The following PIP4K2B variants were observed in gnomAD, a reference collection of about 807,000 sequenced individuals.
The protein encoded by PIP4K2B is phosphatidylinositol 5-phosphate 4-kinase type-2 beta.
In PIP4K2B, 3 loss-of-function variants were observed where a neutral mutation model predicts 42.0. That is an observed-to-expected ratio of 0.07 (90% confidence interval 0.03 to 0.18). The LOEUF is 0.18. Ranked by LOEUF, PIP4K2B falls within the 10% of genes least tolerant of loss-of-function variation. The pLI, the probability that PIP4K2B is intolerant of heterozygous loss-of-function variation, is 1.00. For synonymous variants in PIP4K2B, 204 were observed against 210.1 expected (o/e 0.97, Z 0.25); for missense variants, 332 against 562.3 (o/e 0.59, Z 4.14).
At chr17:38,776,582 T>C (rs1177293411) in intron 7 of PIP4K2B, 3 of 419,052 alleles carry the variant, frequency 7.2e-6, no homozygotes, top group Admixed American at 3.0e-5. Flanking sequence ...GCCGAGATCG[T>C]GCCACTGCAC....
At chr17:38,772,650 C>T (rs925888697) in intron 7 of PIP4K2B, among the ~76,000 whole-genome samples, 39 of 152,166 alleles carry the variant, frequency 2.6e-4, no homozygotes, top group African/African-American at 8.7e-4. Flanking sequence ...GGTGCAATCT[C>T]GGCTCACTGC....
At chr17:38,783,744 G>T (rs1026188695) in intron 3 of PIP4K2B, among the ~76,000 whole-genome samples, 16 of 152,078 alleles carry the variant, frequency 1.1e-4, no homozygotes, top group Non-Finnish European at 2.4e-4. Context: ...GGGACTATAG[G>T]CGCACATCAC....
At chr17:38,781,372 G>C (rs1815678930) in intron 3 of PIP4K2B, among the ~76,000 whole-genome samples, 1 of 152,056 alleles carries the variant, frequency 6.6e-6, no homozygotes, top group Non-Finnish European at 1.5e-5. Context: ...AAAGGGATAT[G>C]TTCACCAAGC....
In PIP4K2B at chr17:38,778,276, G is replaced by A. The variant is rs372088067; in HGVS notation, c.693+58C>T. On this transcript the variant is annotated intron_variant, in intron 6 of 9. Coordinates refer to ENST00000619039, the MANE Select transcript of PIP4K2B (RefSeq NM_003559.5). ...GGGGTGGGCGAGGGACAGGATGGCC[G>A]ACAGGAGTTGTTTCTGACTCCAAGC... The A allele has an allele frequency of 7.9e-5, 121 of 1,536,080 alleles. 1 individual carries two copies. The highest frequency in any genetic ancestry group is 5.1e-4 in the Middle Eastern group (3 of 5,908).
At chr17:38,788,349 C>T (rs1330607758) in intron 1 of PIP4K2B, among the ~76,000 whole-genome samples, 3 of 151,880 alleles carry the variant, frequency 2.0e-5, no homozygotes, top group Admixed American at 1.3e-4. Flanking sequence ...TACAGGTGCC[C>T]GACACCACAC....
intron 1 of PIP4K2B, among the ~76,000 whole-genome samples, chr17:38,789,233 C>T (rs1910210482): frequency 1.3e-5 from 2 of 152,256 alleles, no homozygotes; most frequent in South Asian, 4.1e-4. Context: ...AACCTTCTGA[C>T]TTTCATCCCT....
rs186562444 is a variant in PIP4K2B, at chr17:38,778,682, G to A, written c.655-310C>T. On this transcript the variant is annotated intron_variant, in intron 5 of 9. Transcript: ENST00000619039. ...AAGTCATTAGTTCATTCACTACCAC[G>A]GTGCTCAGTGGTACAGGGAGGAGCA... Among the ~76,000 whole-genome samples the A allele has an allele frequency of 2.9e-4, 38 of 130,644 alleles. 1 individual carries two copies. Among genetic ancestry groups the A allele is most frequent in the Admixed American group, 2.7e-3 (30 of 11,054 alleles). 85.7% of individuals were successfully genotyped at this position (130,644 alleles called of 152,430 possible).
chr17:38,769,987 C>A (rs1480338611), intron 9 of PIP4K2B, among the ~76,000 whole-genome samples: 1 of 152,076 alleles, frequency 6.6e-6, no homozygotes, highest in East Asian at 1.9e-4. Context: ...CCCAGGCCTG[C>A]ACCGAAGTAG....
chr17:38,775,909 A>G (rs999849339), intron 7 of PIP4K2B: 1 of 405,510 alleles, frequency 2.5e-6, no homozygotes, highest in Non-Finnish European at 4.8e-6. Flanking sequence ...ATGATACAGT[A>G]TGGATGAACC....
At chr17:38,777,984 C>T (rs1227742921) in intron 6 of PIP4K2B, among the ~76,000 whole-genome samples, 184 bp from the exon 7 acceptor site, 1 of 152,152 alleles carries the variant, frequency 6.6e-6, no homozygotes, top group Non-Finnish European at 1.5e-5. Flanking sequence ...GCAGGGAGGG[C>T]AAACACATGA....
intron 6 of PIP4K2B, 57 bp from the exon 7 acceptor site, chr17:38,777,857 C>A (rs2143369612): frequency 8.1e-7 from 1 of 1,236,780 alleles, no homozygotes; most frequent in East Asian, 2.3e-5. Context: ...CCCAGGGACA[C>A]CCAACTGTTC....
intron 8 of PIP4K2B, 32 bp downstream of exon 8, chr17:38,770,982 G>C (rs1567651522): frequency 2.5e-6 from 4 of 1,612,706 alleles, no homozygotes; most frequent in Non-Finnish European, 3.4e-6. Flanking sequence ...TGAGGGCAGG[G>C]CTGTGCAGAG....
intron 7 of PIP4K2B, among the ~76,000 whole-genome samples, chr17:38,772,779 C>G (rs1355621521): frequency 6.6e-6 from 1 of 152,066 alleles, no homozygotes; most frequent in African/African-American, 2.4e-5. Flanking sequence ...ACAGTTTCAT[C>G]ATGTTGGCCA....
At chr17:38,792,260 C>T (rs938341707) in intron 1 of PIP4K2B, among the ~76,000 whole-genome samples, 5 of 151,986 alleles carry the variant, frequency 3.3e-5, no homozygotes, top group Admixed American at 1.3e-4. Flanking sequence ...GTGATTCTCC[C>T]ATCTCAGCCT....
intron 2 of PIP4K2B, among the ~76,000 whole-genome samples, chr17:38,786,077 G>A (rs1178966775): frequency 6.6e-6 from 1 of 152,202 alleles, no homozygotes; most frequent in African/African-American, 2.4e-5. Flanking sequence ...TGGACTAACA[G>A]TCTGGGAATG....
At chr17:38,775,231 G>A (rs1909269519) in intron 7 of PIP4K2B, among the ~76,000 whole-genome samples, 1 of 152,102 alleles carries the variant, frequency 6.6e-6, no homozygotes, top group Non-Finnish European at 1.5e-5. Flanking sequence ...GGGATTACAA[G>A]CGTGAGCCAC....
rs1297620253 is a variant in PIP4K2B, at chr17:38,767,341, T to C, written c.*2350A>G. ...TTTTAAACATTTGAATGCCAAAAAT[T>C]GGGGGCCAAACTCAAGGTTTTGAAG... On this transcript the variant is annotated 3_prime_UTR_variant, in exon 10 of 10. Transcript: ENST00000619039. 1 of 151,832 alleles carries C rather than the reference T, an allele frequency of 6.6e-6. No homozygotes were observed. The highest frequency in any genetic ancestry group is 1.9e-4 in the East Asian group (1 of 5,192). The allele number at this position is 151,832 out of a possible 1,614,324, so 9.4% of individuals were successfully genotyped here. A position where few individuals can be genotyped will look rare whatever the true frequency, so the allele number is the denominator to read the frequency against.
intron 7 of PIP4K2B, among the ~76,000 whole-genome samples, chr17:38,772,956 G>T (rs1223420543): frequency 6.6e-6 from 1 of 152,082 alleles, no homozygotes; most frequent in Non-Finnish European, 1.5e-5. Context: ...AAGATCTCCT[G>T]TAAGAACAAA....
rs780057294 is a variant in PIP4K2B at position 38,797,482 on chromosome 17, C to G, written c.159+1784G>C. On this transcript the variant is annotated intron_variant, in intron 1 of 9. Coordinates refer to ENST00000619039, the MANE Select transcript of PIP4K2B (RefSeq NM_003559.5). Reference sequence around the variant, plus strand: ...AAGAAAACAAGACCAGCCACTCAGGCACCACCCTTGGCCGATACAGTCCCA... The same window carrying G: ...AAGAAAACAAGACCAGCCACTCAGGGACCACCCTTGGCCGATACAGTCCCA... Among the ~76,000 whole-genome samples, 9 of 152,350 alleles carry G rather than the reference C, an allele frequency of 5.9e-5. No individual in the cohort carries two copies. In the East Asian group the frequency reaches 1.7e-3, roughly 29 times the overall value.
Sources: allele counts gnomAD v4.1 joint callset (sites outside exome capture counted in the v4.1 genomes callset), GRCh38; gene constraint gnomAD v4.1.1; transcripts MANE v1.5; gene names NCBI Gene and HGNC (gene_info 2026-07-23, HGNC 2026-07-21).